KCNQ5: variants seen among roughly 807,000 people sequenced by gnomAD.
The protein encoded by KCNQ5 is potassium voltage-gated channel subfamily Q member 5.
Under a neutral mutation model 98.2 loss-of-function variants are expected in KCNQ5, and 30 were observed. The observed-to-expected ratio is 0.31, with a 90% CI of 0.23 to 0.41. KCNQ5 has a LOEUF of 0.41. Among genes scored for constraint, KCNQ5 ranks in the 10% least tolerant of loss-of-function variants. The pLI is 1.00. For synonymous variants in KCNQ5, 458 were observed against 449.4 expected (o/e 1.02, Z -0.24); for missense variants, 835 against 1,182.5 (o/e 0.71, Z 4.31).
intron 1 of KCNQ5, among the ~76,000 whole-genome samples, chr6:72,715,842 A>C (rs953200481): frequency 3.9e-5 from 6 of 152,084 alleles, no homozygotes; most frequent in Non-Finnish European, 7.4e-5. Context: ...TATAATCTCC[A>C]TTTTTCATCT....
At chr6:73,091,643 A>G (rs6905309) in intron 5 of KCNQ5, among the ~76,000 whole-genome samples, 133,290 of 152,106 alleles carry the variant, frequency 0.88, 59,033 homozygotes, top group South Asian at 0.96. Flanking sequence ...TTTTATACCA[A>G]TACCATGCTG....
intron 1 of KCNQ5, among the ~76,000 whole-genome samples, chr6:72,827,870 T>C (rs959483472): frequency 3.3e-5 from 5 of 152,122 alleles, no homozygotes; most frequent in Admixed American, 3.3e-4. Context: ...AGGTCCTACA[T>C]TTAGGTCTTT....
At position 72,899,400 on chromosome 6, in the gene KCNQ5, C is replaced by A. The variant is rs556216095; in HGVS notation, c.399-104508C>A. On this transcript the variant is annotated intron_variant, in intron 1 of 13. Coordinates refer to ENST00000370398, the MANE Select transcript of KCNQ5 (RefSeq NM_019842.4). ...CATTGGCTTTTTCCTTCTCTCAGAT[C>A]GTTTACTAATGATAGAATTATGAGA... Among the ~76,000 whole-genome samples the A allele has an allele frequency of 3.9e-5, 6 of 152,114 alleles. No individual in the cohort carries two copies. In the South Asian group the frequency reaches 1.2e-3, roughly 32 times the overall value.
chr6:73,010,637 A>AT (rs1003029187), intron 2 of KCNQ5, among the ~76,000 whole-genome samples: 1 of 148,592 alleles, frequency 6.7e-6, no homozygotes, highest in African/African-American at 2.6e-5. Flanking sequence ...ACCCCTGAAG[A>AT]TTTAAAAAAA....
At chr6:73,188,927 G>C (rs566171597) in intron 11 of KCNQ5, among the ~76,000 whole-genome samples, 1 of 146,066 alleles carries the variant, frequency 6.8e-6, no homozygotes, top group African/African-American at 2.6e-5. Context: ...AAATTACTAC[G>C]AGCTGAGATC....
At chr6:72,992,860 G>A (rs1769110849) in intron 1 of KCNQ5, among the ~76,000 whole-genome samples, 1 of 77,702 alleles carries the variant, frequency 1.3e-5, no homozygotes. Context: ...GCCTGGTGGT[G>A]ACAAAATCTC....
chr6:72,725,684 CA>C lies in KCNQ5; in HGVS notation c.398+103105del, dbSNP rs1025388123. Reference sequence around the variant, plus strand: ...GATGAGATTTTAAATGTTTTCACCACAAAAAAAATGGTCAGTATGTGAGGTG... The same window carrying C: ...GATGAGATTTTAAATGTTTTCACCACAAAAAAATGGTCAGTATGTGAGGTG... On this transcript the variant is annotated intron_variant, in intron 1 of 13. Transcript: ENST00000370398. Among the ~76,000 whole-genome samples, 4 of 151,696 alleles carry C rather than the reference CA, an allele frequency of 2.6e-5. No individual in the cohort carries two copies. The South Asian group carries it at 8.3e-4, about 32-fold the overall frequency.
chr6:73,033,310 C>A (rs935787239), intron 2 of KCNQ5, among the ~76,000 whole-genome samples: 3 of 152,144 alleles, frequency 2.0e-5, no homozygotes, highest in Non-Finnish European at 2.9e-5. Flanking sequence ...GTCAATCAGT[C>A]ATTTGGAATG....
intron 3 of KCNQ5, among the ~76,000 whole-genome samples, chr6:73,063,318 A>G (rs916180975): frequency 1.3e-5 from 2 of 152,158 alleles, no homozygotes; most frequent in Admixed American, 1.3e-4. Flanking sequence ...GTTATAAGAC[A>G]ATGTGTTTCA....
At chr6:72,681,004 T>A (rs541235668) in intron 1 of KCNQ5, among the ~76,000 whole-genome samples, 68 of 152,360 alleles carry the variant, frequency 4.5e-4, no homozygotes, top group African/African-American at 1.5e-3. Flanking sequence ...CTGGAAACAC[T>A]GCTTACTAAT....
chr6:72,960,036 G>A (rs1051145590), intron 1 of KCNQ5, among the ~76,000 whole-genome samples: 4 of 152,178 alleles, frequency 2.6e-5, no homozygotes, highest in Non-Finnish European at 4.4e-5. Context: ...GCTATTTTGC[G>A]TATGCTGAGT....
intron 1 of KCNQ5, among the ~76,000 whole-genome samples, chr6:72,972,995 G>A (rs895101120): frequency 6.6e-6 from 1 of 152,098 alleles, no homozygotes; most frequent in African/African-American, 2.4e-5. Flanking sequence ...TAAACTCTAG[G>A]CCTTCTAATG....
intron 1 of KCNQ5, among the ~76,000 whole-genome samples, chr6:72,730,662 T>C (rs1383241863): frequency 6.6e-6 from 1 of 152,208 alleles, no homozygotes; most frequent in African/African-American, 2.4e-5. Flanking sequence ...ATTTTGCTTC[T>C]TAAATTTACA....
At chr6:72,899,230 T>C (rs1490600027) in intron 1 of KCNQ5, among the ~76,000 whole-genome samples, 3 of 152,174 alleles carry the variant, frequency 2.0e-5, no homozygotes, top group African/African-American at 7.2e-5. Flanking sequence ...AACAAAAAGA[T>C]TTTCTCCTGA....
In KCNQ5 at chr6:73,104,334, G is replaced by A. The variant is rs368474377; in HGVS notation, c.919-923G>A. ...AAACTTTCCAAAAAAGAAATCAAGA[G>A]AGCAATCCCATTTACAGTAGCTACA... is the stretch of plus-strand genomic sequence containing the variant. On this transcript the variant is annotated intron_variant, in intron 5 of 13. Coordinates refer to ENST00000370398, the MANE Select transcript of KCNQ5 (RefSeq NM_019842.4). 6.6e-5 allele frequency among the ~76,000 whole-genome samples: 10 copies of A among 152,166 alleles called. No homozygotes were observed. In the East Asian group the frequency reaches 1.7e-3, roughly 26 times the overall value.
intron 1 of KCNQ5, among the ~76,000 whole-genome samples, chr6:72,975,449 A>G (rs1768118477): frequency 6.6e-6 from 1 of 152,142 alleles, no homozygotes. Flanking sequence ...TACTTCAGTG[A>G]CTTCACACAC....
intron 1 of KCNQ5, among the ~76,000 whole-genome samples, chr6:72,894,004 A>G (rs1167224920): frequency 1.3e-5 from 2 of 152,204 alleles, no homozygotes; most frequent in Non-Finnish European, 2.9e-5. Context: ...TCCTAAAAGT[A>G]TGATTAGAGT....
chr6:73,070,705 G>T (rs962320202), intron 3 of KCNQ5, among the ~76,000 whole-genome samples: 1 of 152,154 alleles, frequency 6.6e-6, no homozygotes, highest in African/African-American at 2.4e-5. Flanking sequence ...ATATGTGCTT[G>T]CCCTCAACTG....
chr6:72,926,524 T>C (rs147204099), intron 1 of KCNQ5, among the ~76,000 whole-genome samples: 2,112 of 152,262 alleles, frequency 0.014, 49 homozygotes, highest in South Asian at 0.067. Context: ...CCTCAAATTA[T>C]ATTAAAAGAC....
Sources: gnomAD v4.1 joint callset for allele counts (sites outside exome capture counted in the v4.1 genomes callset) on GRCh38, gnomAD v4.1.1 for gene constraint, MANE v1.5 for transcripts, NCBI Gene and HGNC (gene_info 2026-07-23, HGNC 2026-07-21) for gene names.